The following ANP32A variants were observed in gnomAD, a reference collection of about 807,000 sequenced individuals.
ANP32A encodes acidic nuclear phosphoprotein 32 family member A.
In ANP32A, 1 loss-of-function variant was observed where a neutral mutation model predicts 33.9. The ratio of observed to expected loss-of-function variants is 0.03; its 90% CI spans 0.01 to 0.14. The LOEUF is 0.14. Among genes scored for constraint, ANP32A ranks in the 10% least tolerant of loss-of-function variants. The probability of loss-of-function intolerance (pLI) is 1.00; values close to 1 mark genes in which losing one functional copy is unlikely to be tolerated. For synonymous variants in ANP32A, 115 were observed against 120.5 expected, an observed-to-expected ratio of 0.95 and a Z score of 0.30; for missense variants, 155 against 306.0, an observed-to-expected ratio of 0.51 and a Z score of 3.68.
chr15:68,802,169 AT>A (rs928564225), intron 1 of ANP32A, among the ~76,000 whole-genome samples: 2 of 151,950 alleles, frequency 1.3e-5, no homozygotes, highest in African/African-American at 4.8e-5. Flanking sequence ...CTCCTTTTCA[AT>A]TTTTTGACTA....
At chr15:68,803,706 T>C (rs1894170044) in intron 1 of ANP32A, among the ~76,000 whole-genome samples, 1 of 151,706 alleles carries the variant, frequency 6.6e-6, no homozygotes, top group African/African-American at 2.4e-5. Flanking sequence ...AGGATACCCC[T>C]GAAAGTATTA....
intron 3 of ANP32A, among the ~76,000 whole-genome samples, chr15:68,785,709 C>A (rs978222527): frequency 6.6e-6 from 1 of 152,134 alleles, no homozygotes; most frequent in African/African-American, 2.4e-5. Flanking sequence ...GGAGAAAGCA[C>A]TGAGACACGT....
At chr15:68,796,780 C>G (rs1016351071) in intron 1 of ANP32A, among the ~76,000 whole-genome samples, 17 of 152,210 alleles carry the variant, frequency 1.1e-4, no homozygotes, top group African/African-American at 4.1e-4. Flanking sequence ...CGGGAAGTCA[C>G]TACCACTCTC....
intron 1 of ANP32A, among the ~76,000 whole-genome samples, chr15:68,801,206 G>GGAA (rs1555423696): frequency 0.065 from 9,034 of 138,674 alleles, 794 homozygotes; most frequent in African/African-American, 0.2. Flanking sequence ...CTGCCTTAAA[G>GGAA]GAAGAAGAAG....
intron 1 of ANP32A, among the ~76,000 whole-genome samples, chr15:68,810,997 T>A (rs1013474727): frequency 6.7e-6 from 1 of 148,290 alleles, no homozygotes; most frequent in African/African-American, 2.5e-5. Flanking sequence ...GAGGTCGAGG[T>A]TGCAGTGAGC....
intron 1 of ANP32A, among the ~76,000 whole-genome samples, chr15:68,799,547 G>C (rs1052702667): frequency 1.4e-4 from 22 of 152,130 alleles, no homozygotes; most frequent in Admixed American, 1.0e-3. Flanking sequence ...CACATGACTC[G>C]AGACAATGTA....
In ANP32A at chr15:68,783,045, ACTC is replaced by A. The variant is rs776181695; in HGVS notation, c.532_534del (p.Glu178del). 54 of 1,550,728 alleles carry A rather than the reference ACTC, an allele frequency of 3.5e-5. No individual in the cohort carries two copies. Among genetic ancestry groups the A allele is most frequent in the African/African-American group, 4.1e-5 (3 of 72,584 alleles). The stretch of plus-strand genomic sequence containing the variant: ...TCCACTACCTGAGCATCTTCATCAT[ACTC>A]CTCCTCTGTGCAATCGAAATGGGGA... On this transcript the variant is annotated inframe_deletion, in exon 5 of 7. Coordinates refer to ENST00000465139, the MANE Select transcript of ANP32A (RefSeq NM_006305.4).
chr15:68,819,653 G>C (rs765177321), intron 1 of ANP32A, among the ~76,000 whole-genome samples: 1 of 152,226 alleles, frequency 6.6e-6, no homozygotes, highest in Non-Finnish European at 1.5e-5. Context: ...GACAAGCCCA[G>C]CACTGAGAAA....
intron 1 of ANP32A, among the ~76,000 whole-genome samples, chr15:68,803,878 T>C (rs924374876): frequency 9.4e-5 from 13 of 138,446 alleles, no homozygotes; most frequent in Admixed American, 2.4e-4. Flanking sequence ...CTCGGCTCAC[T>C]ACAACCTCCG....
chr15:68,809,091 C>CG (rs1467742850), intron 1 of ANP32A, among the ~76,000 whole-genome samples: 3 of 152,138 alleles, frequency 2.0e-5, no homozygotes, highest in Non-Finnish European at 2.9e-5. Flanking sequence ...AGAGAGAACC[C>CG]GGGGGTTTAC....
chr15:68,813,810 G>C (rs1446733280), intron 1 of ANP32A, among the ~76,000 whole-genome samples: 1 of 150,540 alleles, frequency 6.6e-6, no homozygotes, highest in African/African-American at 2.4e-5. Context: ...CTAAGTGACT[G>C]CACCAAAATA....
chr15:68,785,698 C>T (rs1308624306), intron 3 of ANP32A, among the ~76,000 whole-genome samples: 4 of 152,078 alleles, frequency 2.6e-5, no homozygotes, highest in East Asian at 1.9e-4. Flanking sequence ...CAAGCAGGGG[C>T]GGAGAAAGCA....
In ANP32A at chr15:68,802,545, T is replaced by C. The variant is rs887285156; in HGVS notation, c.55-14626A>G. 2.6e-5 allele frequency among the ~76,000 whole-genome samples: 4 copies of C among 152,356 alleles called. 1 individual carries two copies. ...GTAATAAATAATTTTGCAATATCAA[T>C]AAGCTTGGGCATGTCAGTTTGCATT... is the stretch of plus-strand genomic sequence containing the variant. On this transcript the variant is annotated intron_variant, in intron 1 of 6. Coordinates refer to ENST00000465139, the MANE Select transcript of ANP32A (RefSeq NM_006305.4).
In ANP32A at chr15:68,803,835, C is replaced by T. The variant is rs146452520; in HGVS notation, c.55-15916G>A. Among the ~76,000 whole-genome samples, 1,052 of 120,150 alleles carry T rather than the reference C, an allele frequency of 8.8e-3. 26 individuals carry two copies. Among genetic ancestry groups the T allele is most frequent in the African/African-American group, 0.032 (997 of 31,246 alleles). The allele number at this position is 120,150 out of a possible 152,430, so 78.8% of individuals were successfully genotyped here. On this transcript the variant is annotated intron_variant, in intron 1 of 6. Transcript: ENST00000465139. Reference sequence around the variant, plus strand: ...TTTTTTTTTTTGAGACGGAGTCTTGCTCTGTTGCCAGGCTGGAGTGCAGTG... The same window carrying T: ...TTTTTTTTTTTGAGACGGAGTCTTGTTCTGTTGCCAGGCTGGAGTGCAGTG...
chr15:68,812,252 C>G (rs760883869), intron 1 of ANP32A, among the ~76,000 whole-genome samples: 1 of 152,228 alleles, frequency 6.6e-6, no homozygotes, highest in African/African-American at 2.4e-5. Flanking sequence ...CATACCCCCA[C>G]GCAGTCTATG....
At chr15:68,806,405 A>C (rs1389356421) in intron 1 of ANP32A, among the ~76,000 whole-genome samples, 1 of 152,164 alleles carries the variant, frequency 6.6e-6, no homozygotes, top group Non-Finnish European at 1.5e-5. Flanking sequence ...ACACATGCCA[A>C]CTGCCTGCCC....
chr15:68,815,455 AT>A (rs1387269690), intron 1 of ANP32A, among the ~76,000 whole-genome samples: 1 of 151,970 alleles, frequency 6.6e-6, no homozygotes, highest in Non-Finnish European at 1.5e-5. Flanking sequence ...TGGATTTCTT[AT>A]TTTTTGGGAG....
At chr15:68,785,188 C>T (rs1893916751) in intron 3 of ANP32A, among the ~76,000 whole-genome samples, 1 of 152,152 alleles carries the variant, frequency 6.6e-6, no homozygotes, top group Non-Finnish European at 1.5e-5. Flanking sequence ...GACCTGTGCT[C>T]TTACTCTTTG....
At chr15:68,788,432 G>A (rs1893960718) in intron 1 of ANP32A, among the ~76,000 whole-genome samples, 1 of 151,370 alleles carries the variant, frequency 6.6e-6, no homozygotes, top group African/African-American at 2.4e-5. Context: ...TCACATGGCA[G>A]TACCCATGTG....
Sources: gnomAD v4.1 joint callset for allele counts (sites outside exome capture counted in the v4.1 genomes callset) on GRCh38, gnomAD v4.1.1 for gene constraint, MANE v1.5 for transcripts, NCBI Gene and HGNC (gene_info 2026-07-23, HGNC 2026-07-21) for gene names.